PARP6: variants seen among roughly 807,000 people sequenced by gnomAD.
PARP6 encodes poly(ADP-ribose) polymerase family member 6.
Under a neutral mutation model 92.0 loss-of-function variants are expected in PARP6, and 27 were observed. The ratio of observed to expected loss-of-function variants is 0.29; its 90% CI spans 0.22 to 0.40. The LOEUF is 0.40. PARP6 is among the 10% of genes least tolerant of loss of function. PARP6 has a pLI of 1.00. For missense variants in PARP6, 501 were observed against 784.5 expected, an observed-to-expected ratio of 0.64 and a Z score of 4.32; for synonymous variants, 272 against 281.2, an observed-to-expected ratio of 0.97 and a Z score of 0.33.
intron 7 of PARP6, among the ~76,000 whole-genome samples, 159 bp from the exon 8 acceptor site, chr15:72,264,780 A>T (rs1265614328): frequency 6.6e-6 from 1 of 152,238 alleles, no homozygotes; most frequent in Non-Finnish European, 1.5e-5. Flanking sequence ...GAGAGGGCAG[A>T]TTCTCGAAGC....
intron 14 of PARP6, 125 bp downstream of exon 14, chr15:72,256,340 A>G: frequency 1.4e-6 from 1 of 711,486 alleles, no homozygotes; most frequent in East Asian, 3.3e-5. Context: ...GAAACAGCTA[A>G]ATCACAGAGT....
intron 10 of PARP6, among the ~76,000 whole-genome samples, chr15:72,260,195 T>C (rs1006923409): frequency 6.6e-6 from 1 of 152,168 alleles, no homozygotes; most frequent in Admixed American, 6.5e-5. Flanking sequence ...GGCATGTGCC[T>C]ATAGTCCCAG....
intron 14 of PARP6, 135 bp from the exon 15 acceptor site, chr15:72,254,655 A>G: frequency 1.5e-6 from 1 of 652,850 alleles, no homozygotes; most frequent in Non-Finnish European, 2.7e-6. Flanking sequence ...AAGAGCATTA[A>G]TGTCAGACAG....
intron 7 of PARP6, 121 bp downstream of exon 7, chr15:72,264,960 C>T (rs2086383599): frequency 4.4e-6 from 3 of 678,716 alleles, no homozygotes; most frequent in Non-Finnish European, 7.9e-6. Context: ...AAAGCCCCTA[C>T]CAATAGCCTG....
chr15:72,267,692 T>C, intron 2 of PARP6, 21 bp from the exon 3 acceptor site: 2 of 567,054 alleles, frequency 3.5e-6, no homozygotes, highest in South Asian at 2.3e-5. Context: ...TAGATAATAA[T>C]GGGTTTCATC....
chr15:72,272,463 CG>C lies in PARP6; in HGVS notation c.-531del, dbSNP rs2087590763. 6.6e-6 allele frequency: 1 copy of C among 151,672 alleles called. No individual in the cohort carries two copies. The highest frequency in any genetic ancestry group is 2.4e-5 in the African/African-American group (1 of 41,386). 9.4% of individuals were successfully genotyped at this position (151,672 alleles called of 1,614,324 possible). ...TGGCCCGGCCGCACCGCCCTGTGCC[CG>C]TGGTGGCGGCCACACAGGCCAGCCT... On this transcript the variant is annotated 5_prime_UTR_variant, in exon 1 of 24. Coordinates refer to ENST00000569795, the MANE Select transcript of PARP6 (RefSeq NM_001323532.2).
At chr15:72,250,745 T>C (rs573585560) in intron 18 of PARP6, 100 bp downstream of exon 18, 8 of 690,602 alleles carry the variant, frequency 1.2e-5, no homozygotes, top group South Asian at 5.2e-5. Context: ...TGCTGACTGG[T>C]TGATGGACAC....
intron 16 of PARP6, among the ~76,000 whole-genome samples, chr15:72,251,891 A>G (rs981611474): frequency 6.6e-6 from 1 of 152,232 alleles, no homozygotes; most frequent in Non-Finnish European, 1.5e-5. Flanking sequence ...AGAGAGCACT[A>G]TCTCCCATGT....
intron 14 of PARP6, among the ~76,000 whole-genome samples, chr15:72,255,139 A>G (rs1426167): frequency 0.99 from 150,360 of 152,280 alleles, 74,269 homozygotes; most frequent in Middle Eastern, 1. Context: ...GATTGCTTGA[A>G]TTGGATTATC....
At chr15:72,244,284 T>G (rs2083367943) in intron 20 of PARP6, 1 of 152,238 alleles carries the variant, frequency 6.6e-6, no homozygotes, top group Non-Finnish European at 1.5e-5. Flanking sequence ...AGATGGCCCT[T>G]ATGATATAAC....
intron 2 of PARP6, among the ~76,000 whole-genome samples, chr15:72,269,920 A>G (rs1263492882): frequency 7.2e-6 from 1 of 138,116 alleles, no homozygotes; most frequent in Non-Finnish European, 1.6e-5. Flanking sequence ...AAAAAAAAAG[A>G]AAAAGAAAAA....
intron 20 of PARP6, among the ~76,000 whole-genome samples, chr15:72,248,068 G>A (rs974986228): frequency 1.2e-4 from 19 of 152,084 alleles, no homozygotes; most frequent in Admixed American, 5.9e-4. Flanking sequence ...ACCGTGCCCC[G>A]CCTTATTACC....
At chr15:72,254,396 A>G in intron 15 of PARP6, 59 bp downstream of exon 15, 1 of 1,211,980 alleles carries the variant, frequency 8.3e-7, no homozygotes, top group South Asian at 1.2e-5. Flanking sequence ...AATTACCAAC[A>G]GAATAGGACA....
intron 1 of PARP6, among the ~76,000 whole-genome samples, chr15:72,272,121 C>A (rs1023506077): frequency 1.3e-5 from 2 of 152,216 alleles, no homozygotes; most frequent in Admixed American, 6.5e-5. Flanking sequence ...CAGGTTAGCG[C>A]TATCTCGGGC....
intron 12 of PARP6, 138 bp downstream of exon 12, chr15:72,257,899 G>C: frequency 1.5e-6 from 1 of 663,970 alleles, no homozygotes; most frequent in Non-Finnish European, 2.7e-6. Flanking sequence ...TGTTTTCTGA[G>C]AAAAATCAAC....
chr15:72,251,292 A>AC, intron 16 of PARP6, 37 bp from the exon 17 acceptor site: 2 of 1,356,806 alleles, frequency 1.5e-6, no homozygotes, highest in African/African-American at 1.4e-5. Context: ...AGGATAGAAT[A>AC]ATTATGTATT....
At chr15:72,254,849 G>A (rs943443358) in intron 14 of PARP6, among the ~76,000 whole-genome samples, 7 of 152,142 alleles carry the variant, frequency 4.6e-5, no homozygotes, top group Admixed American at 2.6e-4. Context: ...GTAATAGTGA[G>A]GTACTATGCT....
chr15:72,259,671 G>A lies in PARP6; in HGVS notation c.757-10C>T. Reference sequence around the variant, plus strand: ...TGCAGTGACCACTGACCTGGTGAGAGTAAAAAGACAGACCCCGTGAACCTC... The same window carrying A: ...TGCAGTGACCACTGACCTGGTGAGAATAAAAAGACAGACCCCGTGAACCTC... On this transcript the variant is annotated splice_polypyrimidine_tract_variant and intron_variant, in intron 10 of 23. Coordinates refer to ENST00000569795, the MANE Select transcript of PARP6 (RefSeq NM_001323532.2). The A allele has an allele frequency of 1.2e-6, 2 of 1,613,612 alleles. No individual in the cohort carries two copies. The highest frequency in any genetic ancestry group is 1.7e-6 in the Non-Finnish European group (2 of 1,179,610).
In PARP6 at chr15:72,258,067, C is replaced by T; in HGVS notation, c.876G>A (p.Gln292=). 1.9e-6 allele frequency: 3 copies of T among 1,613,708 alleles called. No homozygotes were observed. The South Asian group carries it at 3.3e-5, about 18-fold the overall frequency. Residue 292 remains glutamine (Q), a synonymous_variant, in exon 12 of 24, where the codon CAG becomes CAA. Coordinates refer to ENST00000569795, the MANE Select transcript of PARP6 (RefSeq NM_001323532.2). ...LNEYCVVCDE[Q]HVFQNGSMLK... is the part of the protein sequence containing the mutation. Reference sequence around the variant, plus strand: ...GCATAGATCCATTTTGGAAGACATGCTGCTCATCACACACCACACAGTACT... The same window carrying T: ...GCATAGATCCATTTTGGAAGACATGTTGCTCATCACACACCACACAGTACT...
Sources: allele counts gnomAD v4.1 joint callset (sites outside exome capture counted in the v4.1 genomes callset), GRCh38; gene constraint gnomAD v4.1.1; transcripts MANE v1.5; gene names NCBI Gene and HGNC (gene_info 2026-07-23, HGNC 2026-07-21).